SH3BP5: variants seen among roughly 807,000 people sequenced by gnomAD.
SH3BP5 encodes the protein SH3 domain binding protein 5.
Under a neutral mutation model 43.3 loss-of-function variants are expected in SH3BP5, and 22 were observed. The observed-to-expected ratio is 0.51, with a 90% CI of 0.36 to 0.73. The LOEUF is 0.73. SH3BP5 is among the 30% of genes least tolerant of loss of function. The probability of loss-of-function intolerance (pLI) is 0.00; values close to 1 mark genes in which losing one functional copy is unlikely to be tolerated. For synonymous variants in SH3BP5, 255 were observed against 225.8 expected, an observed-to-expected ratio of 1.13 and a Z score of -1.16; for missense variants, 529 against 586.9, an observed-to-expected ratio of 0.90 and a Z score of 1.02.
chr3:15,296,988 C>T (rs1352425528), intron 3 of SH3BP5, among the ~76,000 whole-genome samples: 1 of 152,110 alleles, frequency 6.6e-6, no homozygotes, highest in Non-Finnish European at 1.5e-5. Flanking sequence ...TGAGCCACCA[C>T]TCCTGGCCAT....
chr3:15,302,812 C>CT (rs140719216), intron 3 of SH3BP5, among the ~76,000 whole-genome samples: 5,426 of 146,316 alleles, frequency 0.037, 138 homozygotes, highest in South Asian at 0.086. Flanking sequence ...TTTTTTCTTT[C>CT]TTTTTTTTTT....
intron 7 of SH3BP5, chr3:15,257,518 C>A (rs1183131275): frequency 6.2e-6 from 1 of 161,052 alleles, no homozygotes; most frequent in East Asian, 1.8e-4. Context: ...CAGCTGGACT[C>A]AGGCTTCTTT....
intron 3 of SH3BP5, among the ~76,000 whole-genome samples, chr3:15,298,718 T>TC (rs1324293354): frequency 6.6e-6 from 1 of 152,214 alleles, no homozygotes; most frequent in Admixed American, 6.5e-5. Context: ...ATTGTATGAT[T>TC]CCTCAGTACT....
chr3:15,329,929 C>T (rs1033943978), intron 2 of SH3BP5, among the ~76,000 whole-genome samples: 1 of 152,226 alleles, frequency 6.6e-6, no homozygotes, highest in Non-Finnish European at 1.5e-5. Flanking sequence ...GTTTTAGTCT[C>T]CCAAGATTTT....
In SH3BP5 at chr3:15,256,572, T is replaced by A. The variant is rs1047378593; in HGVS notation, c.1151-269A>T. On this transcript the variant is annotated intron_variant, in intron 8 of 8. Transcript: ENST00000383791. The stretch of plus-strand genomic sequence containing the variant: ...GATGAAATTTGCCATATTCACTTTA[T>A]TGCTGAGAAACAAACCTCTCTACTA... The A allele has an allele frequency of 4.9e-5, 29 of 593,454 alleles. No individual in the cohort carries two copies. The South Asian group carries it at 6.0e-4, about 12-fold the overall frequency. The allele number at this position is 593,454 out of a possible 1,614,324, so 36.8% of individuals were successfully genotyped here. A position where few individuals can be genotyped will look rare whatever the true frequency, so the allele number is the denominator to read the frequency against.
intron 3 of SH3BP5, among the ~76,000 whole-genome samples, chr3:15,289,586 T>C (rs1697356525): frequency 6.6e-6 from 1 of 152,250 alleles, no homozygotes; most frequent in African/African-American, 2.4e-5. Flanking sequence ...GTTTAGGCCA[T>C]ATTTTTGAGT....
intron 3 of SH3BP5, among the ~76,000 whole-genome samples, chr3:15,298,757 C>A (rs928164168): frequency 5.9e-5 from 9 of 152,048 alleles, no homozygotes; most frequent in African/African-American, 2.2e-4. Context: ...TAGTCAAATT[C>A]ATAGAAATAG....
At chr3:15,332,710 C>T, upstream of SH3BP5, 1 of 1,066,644 alleles carries the variant, frequency 9.4e-7, no homozygotes, top group Non-Finnish European at 1.1e-6. Flanking sequence ...TCGCAAAACC[C>T]CAGCTCCCTC....
chr3:15,307,610 A>G (rs183741830), intron 2 of SH3BP5, among the ~76,000 whole-genome samples: 9 of 152,374 alleles, frequency 5.9e-5, no homozygotes, highest in Admixed American at 4.6e-4. Context: ...ATAAATGCAT[A>G]CAATTTTTTT....
chr3:15,264,021 AAG>A (rs1696546872), intron 4 of SH3BP5, among the ~76,000 whole-genome samples: 1 of 152,330 alleles, frequency 6.6e-6, no homozygotes, highest in Non-Finnish European at 1.5e-5. Context: ...ACAGTTAAAA[AAG>A]AAGGCCACAG....
In SH3BP5 at chr3:15,314,056, C is replaced by G. The variant is rs567443575; in HGVS notation, c.202-9825G>C. On this transcript the variant is annotated intron_variant, in intron 2 of 8. Coordinates refer to ENST00000383791, the MANE Select transcript of SH3BP5 (RefSeq NM_004844.5). ...GGTCAAGGCTGCAGTGAGCCAGGAT[C>G]GTCCCACTGCACTCCAGCCTGGGTG... is the stretch of plus-strand genomic sequence containing the variant. 9.9e-5 allele frequency among the ~76,000 whole-genome samples: 15 copies of G among 152,032 alleles called. 1 individual carries two copies. The highest frequency in any genetic ancestry group is 3.6e-4 in the African/African-American group (15 of 41,504).
intron 3 of SH3BP5, among the ~76,000 whole-genome samples, 184 bp from the exon 4 acceptor site, chr3:15,270,061 G>A (rs1265242764): frequency 1.3e-5 from 2 of 152,214 alleles, no homozygotes; most frequent in African/African-American, 4.8e-5. Flanking sequence ...GGGGGAGTGA[G>A]CAACAAATCA....
intron 3 of SH3BP5, among the ~76,000 whole-genome samples, chr3:15,280,517 A>G (rs1385466911): frequency 6.6e-6 from 1 of 152,046 alleles, no homozygotes; most frequent in Non-Finnish European, 1.5e-5. Context: ...CTAGGAGAAA[A>G]CTTCAGAGCC....
At chr3:15,277,993 G>A (rs1281881380) in intron 3 of SH3BP5, among the ~76,000 whole-genome samples, 1 of 152,246 alleles carries the variant, frequency 6.6e-6, no homozygotes, top group Admixed American at 6.5e-5. Context: ...CAGGCACGGG[G>A]TGGCAGGACC....
intron 3 of SH3BP5, among the ~76,000 whole-genome samples, chr3:15,270,563 G>C (rs763455802): frequency 2.0e-5 from 3 of 152,186 alleles, no homozygotes; most frequent in Non-Finnish European, 2.9e-5. Context: ...TCAGGTGGGA[G>C]AACCAATACC....
upstream of SH3BP5, among the ~76,000 whole-genome samples, chr3:15,334,915 G>A (rs1698683025): frequency 6.6e-6 from 1 of 151,498 alleles, no homozygotes; most frequent in East Asian, 1.9e-4. Context: ...TTGCACCACT[G>A]CCCCCCAGCT....
At chr3:15,285,512 G>A (rs1353505390) in intron 3 of SH3BP5, among the ~76,000 whole-genome samples, 1 of 152,190 alleles carries the variant, frequency 6.6e-6, no homozygotes, top group Non-Finnish European at 1.5e-5. Context: ...CCAAGTTTCT[G>A]TACTTCTTTT....
At chr3:15,259,626 T>C in intron 6 of SH3BP5, 135 bp downstream of exon 6, 1 of 888,902 alleles carries the variant, frequency 1.1e-6, no homozygotes. Flanking sequence ...TTTTGAGGTC[T>C]GAAAACTCAG....
intron 3 of SH3BP5, among the ~76,000 whole-genome samples, chr3:15,301,196 C>T (rs1466033192): frequency 6.6e-6 from 1 of 152,128 alleles, no homozygotes; most frequent in Non-Finnish European, 1.5e-5. Flanking sequence ...TGAACTCAAC[C>T]CAGACGAGGC....
Sources: allele counts gnomAD v4.1 joint callset (sites outside exome capture counted in the v4.1 genomes callset), GRCh38; gene constraint gnomAD v4.1.1; transcripts MANE v1.5; gene names NCBI Gene and HGNC (gene_info 2026-07-23, HGNC 2026-07-21).